Variants in NLGN1 observed in about 807,000 individuals in gnomAD.
NLGN1 encodes neuroligin 1.
A neutral mutation model predicts 65.5 loss-of-function variants in NLGN1; 12 were observed. That is an observed-to-expected ratio of 0.18 (90% CI 0.12 to 0.30). The LOEUF (loss-of-function observed/expected upper bound fraction) is 0.30. Ranked by LOEUF, NLGN1 falls within the 10% of genes least tolerant of loss-of-function variation. NLGN1 has a pLI of 1.00. For synonymous variants in NLGN1, 350 were observed against 359.5 expected, an observed-to-expected ratio of 0.97 and a Z score of 0.30; for missense variants, 750 against 1,007.1, an observed-to-expected ratio of 0.74 and a Z score of 3.46.
At chr3:173,834,470 T>C (rs1723199711) in intron 4 of NLGN1, among the ~76,000 whole-genome samples, 1 of 152,178 alleles carries the variant, frequency 6.6e-6, no homozygotes, top group Admixed American at 6.5e-5. Context: ...ATTGAATTAT[T>C]CTTTAGAAAA....
At chr3:174,163,206 A>G (rs1024443678) in intron 4 of NLGN1, among the ~76,000 whole-genome samples, 40 of 151,996 alleles carry the variant, frequency 2.6e-4, no homozygotes, top group African/African-American at 8.9e-4. Flanking sequence ...ACGAGCATCA[A>G]CCTTATTCTT....
At chr3:173,743,007 A>G (rs1413995966) in intron 3 of NLGN1, among the ~76,000 whole-genome samples, 3 of 152,150 alleles carry the variant, frequency 2.0e-5, no homozygotes, top group Non-Finnish European at 4.4e-5. Flanking sequence ...GGCTAGACCT[A>G]TGTCTTAATA....
intron 4 of NLGN1, among the ~76,000 whole-genome samples, chr3:173,898,128 G>A (rs1736656301): frequency 1.3e-5 from 2 of 152,078 alleles, no homozygotes; most frequent in Non-Finnish European, 2.9e-5. Flanking sequence ...CCTATTACTT[G>A]TAACAATTCT....
chr3:173,928,464 A>G (rs2152279585), intron 4 of NLGN1, among the ~76,000 whole-genome samples: 1 of 152,310 alleles, frequency 6.6e-6, no homozygotes. Flanking sequence ...GATAACTAAG[A>G]TCTGTAATAC....
intron 4 of NLGN1, among the ~76,000 whole-genome samples, chr3:173,923,873 C>T (rs2152270003): frequency 6.6e-6 from 1 of 152,186 alleles, no homozygotes; most frequent in African/African-American, 2.4e-5. Context: ...TCATAGATAT[C>T]TACATGATTT....
chr3:173,617,731 C>G (rs777798333), intron 3 of NLGN1, among the ~76,000 whole-genome samples: 1 of 152,178 alleles, frequency 6.6e-6, no homozygotes, highest in Non-Finnish European at 1.5e-5. Flanking sequence ...TTACTGCCAG[C>G]CTTATTGCCT....
chr3:173,944,528 C>A (rs1746807616), intron 4 of NLGN1, among the ~76,000 whole-genome samples: 1 of 152,032 alleles, frequency 6.6e-6, no homozygotes, highest in South Asian at 2.1e-4. Flanking sequence ...TCTCCTAAAC[C>A]TAGGATGTTT....
At chr3:174,233,391 C>T (rs922010626) in intron 4 of NLGN1, among the ~76,000 whole-genome samples, 6 of 151,950 alleles carry the variant, frequency 3.9e-5, no homozygotes, top group East Asian at 3.9e-4. Context: ...GAGGCTGAGG[C>T]GGGAGAATCG....
At chr3:173,896,270 A>G (rs917843482) in intron 4 of NLGN1, among the ~76,000 whole-genome samples, 3 of 152,162 alleles carry the variant, frequency 2.0e-5, no homozygotes, top group African/African-American at 7.2e-5. Context: ...TGCTTTGTGA[A>G]GTCCTCATGG....
the NLGN1 span, among the ~76,000 whole-genome samples, chr3:174,293,787 T>C: frequency 6.6e-6 from 1 of 151,580 alleles, no homozygotes; most frequent in African/African-American, 2.4e-5. Flanking sequence ...ATCTATACAA[T>C]AAAATTAAAA....
chr3:173,975,169 T>C (rs1024560597), intron 4 of NLGN1, among the ~76,000 whole-genome samples: 1 of 152,030 alleles, frequency 6.6e-6, no homozygotes, highest in Non-Finnish European at 1.5e-5. Context: ...GTAAAGTAAT[T>C]GTCTCTTCTT....
At chr3:174,122,243 A>C (rs977232017) in intron 4 of NLGN1, among the ~76,000 whole-genome samples, 2 of 152,080 alleles carry the variant, frequency 1.3e-5, no homozygotes, top group Non-Finnish European at 2.9e-5. Flanking sequence ...GCATCTCATT[A>C]TTTTCCCCCG....
At chr3:173,831,316 T>TA (rs1722506617) in intron 4 of NLGN1, among the ~76,000 whole-genome samples, 1 of 152,208 alleles carries the variant, frequency 6.6e-6, no homozygotes, top group Non-Finnish European at 1.5e-5. Context: ...CCACATCTCT[T>TA]ATCTGCAAAA....
chr3:174,121,845 T>C (rs1717848049), intron 4 of NLGN1, among the ~76,000 whole-genome samples: 1 of 152,204 alleles, frequency 6.6e-6, no homozygotes, highest in Non-Finnish European at 1.5e-5. Flanking sequence ...CCAGAACATA[T>C]GTTTCTAATT....
intron 3 of NLGN1, among the ~76,000 whole-genome samples, chr3:173,646,432 G>T (rs368081296): frequency 6.6e-6 from 1 of 152,304 alleles, no homozygotes; most frequent in East Asian, 1.9e-4. Flanking sequence ...TCCTGTGTGT[G>T]TGTCACACAC....
chr3:173,742,864 A>G (rs1030371533), intron 3 of NLGN1, among the ~76,000 whole-genome samples: 1 of 152,212 alleles, frequency 6.6e-6, no homozygotes, highest in Middle Eastern at 3.4e-3. Flanking sequence ...CAGAAAATAC[A>G]TTTCTTTCAT....
In NLGN1 at chr3:173,569,468, G is replaced by A. The variant is rs558022969; in HGVS notation, c.-320-34811G>A. On this transcript the variant is annotated intron_variant, in intron 2 of 6. Transcript: ENST00000457714. ...TTTACTATATTATAGACATATTTTC[G>A]GAGAAGGCTATTTTTATTTTCTTAA... Among the ~76,000 whole-genome samples, 17 of 151,492 alleles carry A rather than the reference G, an allele frequency of 1.1e-4. No individual in the cohort carries two copies. The South Asian group carries it at 3.1e-3, about 28-fold the overall frequency.
intron 4 of NLGN1, among the ~76,000 whole-genome samples, chr3:173,979,004 C>CA (rs776189299): frequency 0.024 from 3,332 of 139,980 alleles, 50 homozygotes; most frequent in Non-Finnish European, 0.029. Flanking sequence ...GATTCTGTCT[C>CA]AAAAAAAAAA....
chr3:174,105,818 C>G (rs1713650788), intron 4 of NLGN1, among the ~76,000 whole-genome samples: 1 of 150,844 alleles, frequency 6.6e-6, no homozygotes, highest in Non-Finnish European at 1.5e-5. Context: ...TCTTAAGGAC[C>G]CATGGAAATA....
Sources: gnomAD v4.1 joint callset for allele counts (sites outside exome capture counted in the v4.1 genomes callset) on GRCh38, gnomAD v4.1.1 for gene constraint, MANE v1.5 for transcripts, NCBI Gene and HGNC (gene_info 2026-07-23, HGNC 2026-07-21) for gene names.